Variants in NALF1 observed in about 807,000 individuals in gnomAD.
The protein encoded by NALF1 is NALCN channel auxiliary factor 1.
In NALF1, 3 loss-of-function variants were observed where a neutral mutation model predicts 48.4. That is an observed-to-expected ratio of 0.06 (90% CI 0.03 to 0.16). The LOEUF (loss-of-function observed/expected upper bound fraction) is 0.16, where lower values mean the gene tolerates loss of function less well. Ranked by LOEUF, NALF1 falls within the 10% of genes least tolerant of loss-of-function variation. The probability of loss-of-function intolerance (pLI) is 1.00; values close to 1 mark genes in which losing one functional copy is unlikely to be tolerated. For synonymous variants in NALF1, 262 were observed against 245.7 expected (o/e 1.07, Z -0.62); for missense variants, 526 against 571.5 (o/e 0.92, Z 0.81).
intron 2 of NALF1, among the ~76,000 whole-genome samples, chr13:107,190,751 T>C (rs188954391): frequency 7.1e-4 from 108 of 152,304 alleles, no homozygotes; most frequent in Admixed American, 2.5e-3. Context: ...TTTTTCAGAC[T>C]TGAATTGAAT....
intron 1 of NALF1, among the ~76,000 whole-genome samples, chr13:107,474,025 C>T (rs1276146235): frequency 1.3e-5 from 2 of 152,170 alleles, no homozygotes; most frequent in East Asian, 1.9e-4. Flanking sequence ...TCCCTCCCTA[C>T]CCTTTATGAG....
At chr13:107,516,840 T>C (rs547644112) in intron 1 of NALF1, among the ~76,000 whole-genome samples, 15 of 152,316 alleles carry the variant, frequency 9.8e-5, no homozygotes, top group Non-Finnish European at 1.5e-4. Context: ...ACATTAAAGT[T>C]TGTGGTTTGT....
chr13:107,593,875 G>C (rs866081308), intron 1 of NALF1, among the ~76,000 whole-genome samples: 1 of 151,454 alleles, frequency 6.6e-6, no homozygotes, highest in Non-Finnish European at 1.5e-5. Context: ...TCTTGGATCA[G>C]GTGCCATAGA....
At chr13:107,541,754 G>A (rs531878107) in intron 1 of NALF1, among the ~76,000 whole-genome samples, 39 of 152,080 alleles carry the variant, frequency 2.6e-4, no homozygotes, top group Non-Finnish European at 4.7e-4. Flanking sequence ...TGTTTCCTTA[G>A]GATAAAGAAG....
At chr13:107,379,546 G>A (rs952196588) in intron 1 of NALF1, among the ~76,000 whole-genome samples, 1 of 152,102 alleles carries the variant, frequency 6.6e-6, no homozygotes, top group Admixed American at 6.6e-5. Context: ...AACGCAGAGG[G>A]AGCCCAACTC....
At chr13:107,638,844 T>G (rs1417110220) in intron 1 of NALF1, among the ~76,000 whole-genome samples, 2 of 152,046 alleles carry the variant, frequency 1.3e-5, no homozygotes, top group African/African-American at 2.4e-5. Context: ...AGAAGGCTAG[T>G]GAGGCTGGAG....
At chr13:107,280,377 C>A (rs1881363734) in intron 1 of NALF1, among the ~76,000 whole-genome samples, 1 of 152,160 alleles carries the variant, frequency 6.6e-6, no homozygotes, top group Admixed American at 6.5e-5. Flanking sequence ...CAGTTACATA[C>A]AAAACCACAT....
rs548435939 is a variant in NALF1, at chr13:107,857,982, G to A, written c.915+7700C>T. 3.6e-4 allele frequency among the ~76,000 whole-genome samples: 55 copies of A among 152,096 alleles called. No homozygotes were observed. In the East Asian group the frequency reaches 7.9e-3, roughly 22 times the overall value. ...AAATTATGAATTCATAGAAATTATC[G>A]CCAATCTCCAAAGTTTATTTCCATC... On this transcript the variant is annotated intron_variant, in intron 1 of 2. Coordinates refer to ENST00000375915, the MANE Select transcript of NALF1 (RefSeq NM_001080396.3).
chr13:107,483,365 T>C (rs775889182), intron 1 of NALF1, among the ~76,000 whole-genome samples: 4 of 152,304 alleles, frequency 2.6e-5, no homozygotes, highest in Non-Finnish European at 4.4e-5. Flanking sequence ...ACATTTTAAT[T>C]GTGTTCTTCT....
intron 1 of NALF1, among the ~76,000 whole-genome samples, chr13:107,555,439 A>ATTTTTTTTTTTTTTTT (rs34486058): frequency 1.4e-5 from 1 of 69,964 alleles, no homozygotes; most frequent in Non-Finnish European, 2.7e-5. Context: ...AGCCTGGCTA[A>ATTTTTTTTTTTTTTTT]TTTTTTTTTT....
At chr13:107,779,812 A>G in intron 1 of NALF1, among the ~76,000 whole-genome samples, 1 of 152,178 alleles carries the variant, frequency 6.6e-6, no homozygotes, top group South Asian at 2.1e-4. Context: ...CTCAGGAAAC[A>G]TATTTTTACT....
chr13:107,801,143 CAT>C (rs1878600109), intron 1 of NALF1, among the ~76,000 whole-genome samples: 1 of 152,136 alleles, frequency 6.6e-6, no homozygotes, highest in African/African-American at 2.4e-5. Flanking sequence ...AGGTACATCA[CAT>C]AGCGTAGCAT....
At chr13:107,318,738 G>T (rs1882197657) in intron 1 of NALF1, among the ~76,000 whole-genome samples, 1 of 152,004 alleles carries the variant, frequency 6.6e-6, no homozygotes, top group Non-Finnish European at 1.5e-5. Flanking sequence ...ATGTAGGCAA[G>T]ACTATGCACA....
At chr13:107,732,109 C>T (rs933432571) in intron 1 of NALF1, among the ~76,000 whole-genome samples, 1 of 152,072 alleles carries the variant, frequency 6.6e-6, no homozygotes, top group Non-Finnish European at 1.5e-5. Flanking sequence ...CTCTATCAGC[C>T]CCCTGGGCAG....
intron 1 of NALF1, among the ~76,000 whole-genome samples, chr13:107,851,717 G>A (rs186263396): frequency 2.0e-4 from 30 of 151,168 alleles, no homozygotes; most frequent in Middle Eastern, 3.5e-3. Flanking sequence ...AAGTGGGACC[G>A]TTTGAAAAGG....
At chr13:107,807,118 A>G (rs1366716992) in intron 1 of NALF1, among the ~76,000 whole-genome samples, 1 of 152,172 alleles carries the variant, frequency 6.6e-6, no homozygotes, top group African/African-American at 2.4e-5. Context: ...TCCCTTAATG[A>G]CTTATCCTTT....
At chr13:107,398,909 C>A (rs140279556) in intron 1 of NALF1, among the ~76,000 whole-genome samples, 1 of 152,244 alleles carries the variant, frequency 6.6e-6, no homozygotes, top group South Asian at 2.1e-4. Context: ...TTTCTACATA[C>A]GAGGAAGGCT....
chr13:107,345,092 C>A (rs1191944740), intron 1 of NALF1, among the ~76,000 whole-genome samples: 1 of 152,074 alleles, frequency 6.6e-6, no homozygotes, highest in African/African-American at 2.4e-5. Flanking sequence ...GCTACACACA[C>A]ACACACACAT....
At chr13:107,247,988 A>C (rs1880617790) in intron 1 of NALF1, among the ~76,000 whole-genome samples, 1 of 152,158 alleles carries the variant, frequency 6.6e-6, no homozygotes. Context: ...AGCCAAGAGC[A>C]CCAACAATGA....
Sources: allele counts gnomAD v4.1 joint callset (sites outside exome capture counted in the v4.1 genomes callset), GRCh38; gene constraint gnomAD v4.1.1; transcripts MANE v1.5; gene names NCBI Gene and HGNC (gene_info 2026-07-23, HGNC 2026-07-21).